The following EYS variants were observed in gnomAD, a reference collection of about 807,000 sequenced individuals.
EYS encodes the protein EGF-like photoreceptor maintenance factor, also known as protein eyes shut homolog.
EYS carries 250 observed loss-of-function variants against 282.1 expected under a neutral mutation model. The observed-to-expected ratio is 0.89, with a 90% CI of 0.80 to 0.98. The LOEUF (loss-of-function observed/expected upper bound fraction) is 0.98. Ranked by LOEUF, EYS falls within the 50% of genes least tolerant of loss-of-function variation. EYS has a pLI of 0.00. For synonymous variants in EYS, 1,355 were observed against 1,282.9 expected (o/e 1.06, Z -1.20); for missense variants, 4,016 against 3,709.0 (o/e 1.08, Z -2.15).
In EYS at chr6:65,589,668, C is replaced by T. The variant is rs1465263223; in HGVS notation, c.-333+50110G>A. 2.0e-5 allele frequency among the ~76,000 whole-genome samples: 3 copies of T among 151,674 alleles called. No individual in the cohort carries two copies. In the East Asian group the frequency reaches 5.8e-4, roughly 29 times the overall value. Reference sequence around the variant, plus strand: ...GCTACATTCTAGAATGCCTAGAAAACCAAACTAGATTGTATACTTAAAAAA... The same window carrying T: ...GCTACATTCTAGAATGCCTAGAAAATCAAACTAGATTGTATACTTAAAAAA... On this transcript the variant is annotated intron_variant, in intron 2 of 42. Coordinates refer to ENST00000503581, the MANE Select transcript of EYS (RefSeq NM_001142800.2).
chr6:65,639,022 A>T (rs1249835680), intron 2 of EYS, among the ~76,000 whole-genome samples: 2 of 152,236 alleles, frequency 1.3e-5, no homozygotes, highest in Non-Finnish European at 2.9e-5. Context: ...TGTAGAAAAA[A>T]GTTCAGACAA....
At chr6:63,989,621 G>A (rs1247862560) in intron 34 of EYS, among the ~76,000 whole-genome samples, 1 of 148,292 alleles carries the variant, frequency 6.7e-6, no homozygotes, top group African/African-American at 2.5e-5. Context: ...CCATAGAAGT[G>A]CCTTGAAAAT....
At chr6:63,752,841 G>C (rs1306666652) in intron 41 of EYS, among the ~76,000 whole-genome samples, 1 of 151,930 alleles carries the variant, frequency 6.6e-6, no homozygotes, top group East Asian at 1.9e-4. Flanking sequence ...ATTTTTATTA[G>C]AGTTCAGTAC....
In EYS at chr6:63,789,226, TG is replaced by T; in HGVS notation, c.7412-3del. 1 of 1,550,916 alleles carries T rather than the reference TG, an allele frequency of 6.4e-7. No homozygotes were observed. The highest frequency in any genetic ancestry group is 8.7e-7 in the Non-Finnish European group (1 of 1,146,542). On this transcript the variant is annotated splice_polypyrimidine_tract_variant and splice_region_variant and intron_variant, in intron 37 of 42. Transcript: ENST00000503581. ...CCAGGAAGTCATCGCCATTCAACCCTGGAATGAGAAGACACATGGGGAATGC... is the reference window on the plus strand; with the variant it reads ...CCAGGAAGTCATCGCCATTCAACCCTGAATGAGAAGACACATGGGGAATGC...
At chr6:65,369,318 A>T (rs201987466) in intron 8 of EYS, among the ~76,000 whole-genome samples, 5 of 51,634 alleles carry the variant, frequency 9.7e-5, no homozygotes, top group South Asian at 1.0e-3. Context: ...TATATATATT[A>T]TATATATATA....
rs146372241 is a variant in EYS at position 64,582,188 on chromosome 6, C to T, written c.5644+8035G>A. ...ATATGTAAACCAGTGGTCTCCAACC[C>T]CTGGGCCATGGATTGGTACCTGTCT... On this transcript the variant is annotated intron_variant, in intron 26 of 42. Coordinates refer to ENST00000503581, the MANE Select transcript of EYS (RefSeq NM_001142800.2). Among the ~76,000 whole-genome samples, 68 of 152,176 alleles carry T rather than the reference C, an allele frequency of 4.5e-4. 1 individual carries two copies. The East Asian group carries it at 0.012, about 26-fold the overall frequency.
chr6:64,592,120 T>G, intron 25 of EYS, 131 bp from the exon 26 acceptor site: 1 of 545,658 alleles, frequency 1.8e-6, no homozygotes, highest in Non-Finnish European at 3.1e-6. Flanking sequence ...TATGGTTCTG[T>G]AAATCATATT....
chr6:64,511,065 A>C (rs185305839), intron 26 of EYS, among the ~76,000 whole-genome samples: 3 of 151,842 alleles, frequency 2.0e-5, no homozygotes, highest in African/African-American at 7.3e-5. Context: ...GGTTGATTTC[A>C]AAGATCTGAA....
At chr6:65,190,168 G>A (rs1333411183) in intron 12 of EYS, among the ~76,000 whole-genome samples, 4 of 150,522 alleles carry the variant, frequency 2.7e-5, no homozygotes, top group Non-Finnish European at 5.9e-5. Context: ...TAACTTTCGT[G>A]GGCCTATTTT....
At chr6:64,399,872 C>T (rs555556921) in intron 28 of EYS, among the ~76,000 whole-genome samples, 3 of 151,792 alleles carry the variant, frequency 2.0e-5, no homozygotes, top group Non-Finnish European at 4.4e-5. Flanking sequence ...ACTTTTTAAT[C>T]GGAGCTGGTC....
chr6:64,591,003 C>A lies in EYS; in HGVS notation c.4864G>T (p.Ala1622Ser). The A allele has an allele frequency of 6.4e-7, 1 of 1,551,298 alleles. No homozygotes were observed. Among genetic ancestry groups the A allele is most frequent in the Non-Finnish European group, 8.7e-7 (1 of 1,146,780 alleles). Residue 1622 changes from alanine (A) to serine (S), a missense_variant, in exon 26 of 43, where the codon GCA (alanine) becomes TCA (serine). Coordinates refer to ENST00000503581, the MANE Select transcript of EYS (RefSeq NM_001142800.2). ...AATAAAGATGGCACTTCTGTGAATG[C>A]CACTGATGGTGTTATTTCAGTAGCA... ...SSATEITPSV[A>S]FTEVPSLFPS...
At chr6:65,105,075 C>T (rs1044853958) in intron 12 of EYS, among the ~76,000 whole-genome samples, 1 of 151,556 alleles carries the variant, frequency 6.6e-6, no homozygotes, top group African/African-American at 2.4e-5. Context: ...ATGCACACTA[C>T]ACATGTTGAT....
At chr6:64,233,880 C>A (rs1324828957) in intron 30 of EYS, among the ~76,000 whole-genome samples, 1 of 152,162 alleles carries the variant, frequency 6.6e-6, no homozygotes, top group Admixed American at 6.5e-5. Flanking sequence ...TTCAATCCCA[C>A]AGCAAGCAGC....
At chr6:63,745,590 A>G (rs1459991426) in intron 41 of EYS, among the ~76,000 whole-genome samples, 4 of 152,234 alleles carry the variant, frequency 2.6e-5, no homozygotes, top group Non-Finnish European at 5.9e-5. Flanking sequence ...CTATTCACAT[A>G]AAGAGTAATA....
intron 2 of EYS, among the ~76,000 whole-genome samples, chr6:65,620,883 G>T (rs11758424): frequency 6.6e-6 from 1 of 151,960 alleles, no homozygotes. Context: ...TTCTTAATCC[G>T]GAGTTCTAGT....
At chr6:65,068,875 T>C (rs1172681679) in intron 12 of EYS, among the ~76,000 whole-genome samples, 1 of 152,118 alleles carries the variant, frequency 6.6e-6, no homozygotes, top group Non-Finnish European at 1.5e-5. Flanking sequence ...ATGCTATTTA[T>C]AAACCTTTCT....
At chr6:64,907,583 G>T (rs2150074262) in intron 16 of EYS, among the ~76,000 whole-genome samples, 1 of 152,266 alleles carries the variant, frequency 6.6e-6, no homozygotes, top group Admixed American at 6.5e-5. Flanking sequence ...TGTAAGTTCT[G>T]CCAGGATTCC....
At chr6:65,613,961 A>C (rs998180305) in intron 2 of EYS, among the ~76,000 whole-genome samples, 1 of 151,988 alleles carries the variant, frequency 6.6e-6, no homozygotes, top group Non-Finnish European at 1.5e-5. Context: ...AAACTTTTGC[A>C]TACTTTTCTT....
intron 12 of EYS, among the ~76,000 whole-genome samples, chr6:65,108,153 C>G (rs941854535): frequency 6.6e-6 from 1 of 151,136 alleles, no homozygotes; most frequent in African/African-American, 2.4e-5. Flanking sequence ...TCCTTTAGCT[C>G]GAAGAACTTC....
Sources: gnomAD v4.1 joint callset for allele counts (sites outside exome capture counted in the v4.1 genomes callset) on GRCh38, gnomAD v4.1.1 for gene constraint, MANE v1.5 for transcripts, NCBI Gene and HGNC (gene_info 2026-07-23, HGNC 2026-07-21) for gene names.